EML4: variants seen among roughly 807,000 people sequenced by gnomAD.
EML4 encodes echinoderm microtubule-associated protein-like 4.
In EML4, 72 loss-of-function variants were observed where a neutral mutation model predicts 129.0. That is an observed-to-expected ratio of 0.56 (90% CI 0.46 to 0.68). EML4 has a LOEUF of 0.68. EML4 is among the 30% of genes least tolerant of loss of function. The pLI is 0.00. For synonymous variants in EML4, 532 were observed against 405.0 expected (o/e 1.31, Z -3.77); for missense variants, 1,363 against 1,190.6 (o/e 1.14, Z -2.13).
intron 5 of EML4, 77 bp downstream of exon 5, chr2:42,263,383 A>G: frequency 4.5e-6 from 2 of 440,186 alleles, no homozygotes; most frequent in Non-Finnish European, 8.2e-6. Flanking sequence ...ACAGTTATGT[A>G]TGTCTGGTTT....
At chr2:42,189,700 A>T (rs1400867219) in intron 1 of EML4, among the ~76,000 whole-genome samples, 1 of 152,246 alleles carries the variant, frequency 6.6e-6, no homozygotes. Flanking sequence ...AAGGTTTAAG[A>T]GGGCTGGTTT....
intron 1 of EML4, among the ~76,000 whole-genome samples, chr2:42,218,969 A>C (rs1673380758): frequency 6.6e-6 from 1 of 152,148 alleles, no homozygotes; most frequent in Admixed American, 6.5e-5. Flanking sequence ...TGACTTAGTA[A>C]AAACTTTTAA....
intron 1 of EML4, among the ~76,000 whole-genome samples, chr2:42,215,297 C>G (rs901237430): frequency 6.6e-6 from 1 of 152,142 alleles, no homozygotes; most frequent in Non-Finnish European, 1.5e-5. Context: ...TGGGATCAAG[C>G]CTGCCTCAGC....
intron 1 of EML4, among the ~76,000 whole-genome samples, chr2:42,242,739 C>A (rs767872760): frequency 6.6e-6 from 1 of 150,616 alleles, no homozygotes; most frequent in Non-Finnish European, 1.5e-5. Context: ...CTTCTCGTCT[C>A]GTCTCGTCTC....
At chr2:42,239,899 G>T (rs777020124) in intron 1 of EML4, among the ~76,000 whole-genome samples, 1 of 152,002 alleles carries the variant, frequency 6.6e-6, no homozygotes, top group East Asian at 1.9e-4. Context: ...GAGAATGGGG[G>T]CATCTTAGAG....
intron 14 of EML4, among the ~76,000 whole-genome samples, chr2:42,302,702 T>C (rs1668357653): frequency 6.6e-6 from 1 of 152,070 alleles, no homozygotes; most frequent in South Asian, 2.1e-4. Flanking sequence ...CCTGGCTGAT[T>C]TTTATATTTT....
intron 1 of EML4, among the ~76,000 whole-genome samples, chr2:42,224,382 T>C (rs1028898310): frequency 1.3e-5 from 2 of 152,162 alleles, no homozygotes; most frequent in African/African-American, 4.8e-5. Context: ...TATCACTGTT[T>C]CGTTCTTTTT....
At chr2:42,181,751 C>G (rs1478652973) in intron 1 of EML4, among the ~76,000 whole-genome samples, 4 of 152,062 alleles carry the variant, frequency 2.6e-5, no homozygotes, top group African/African-American at 9.7e-5. Flanking sequence ...TTTTGTGACA[C>G]AATAAGATGA....
intron 22 of EML4, 72 bp downstream of exon 22, chr2:42,329,088 A>C: frequency 6.8e-7 from 1 of 1,471,438 alleles, no homozygotes; most frequent in Non-Finnish European, 9.3e-7. Flanking sequence ...CCATAGCAAG[A>C]AAATATAGGT....
At chr2:42,218,317 C>T (rs982620391) in intron 1 of EML4, among the ~76,000 whole-genome samples, 1 of 151,940 alleles carries the variant, frequency 6.6e-6, no homozygotes, top group African/African-American at 2.4e-5. Flanking sequence ...TGCAGGAAAA[C>T]AAGCTCAGGG....
chr2:42,234,487 G>T (rs1196749700), intron 1 of EML4, among the ~76,000 whole-genome samples: 3 of 151,828 alleles, frequency 2.0e-5, no homozygotes, highest in Non-Finnish European at 4.4e-5. Flanking sequence ...ATTCCTGTGA[G>T]TTCAGACCTG....
chr2:42,288,341 G>A lies in EML4; in HGVS notation c.1218+19G>A, dbSNP rs1412098236. ...AATAAAGGTAAATTTTTAAAAAACC[G>A]AGTATTGTGTTTTAGAGTACGTTAC... On this transcript the variant is annotated intron_variant, in intron 11 of 22. Coordinates refer to ENST00000318522, the MANE Select transcript of EML4 (RefSeq NM_019063.5). The A allele has an allele frequency of 3.1e-6, 4 of 1,274,200 alleles. No individual in the cohort carries two copies. The highest frequency in any genetic ancestry group is 2.5e-5 in the South Asian group (2 of 81,266). 78.9% of individuals were successfully genotyped at this position (1,274,200 alleles called of 1,614,324 possible). A position where few individuals can be genotyped will look rare whatever the true frequency, so the allele number is the denominator to read the frequency against.
intron 1 of EML4, among the ~76,000 whole-genome samples, chr2:42,171,430 C>T (rs1295457815): frequency 1.3e-5 from 2 of 152,178 alleles, no homozygotes; most frequent in Admixed American, 6.5e-5. Flanking sequence ...AGGAGTCTTT[C>T]TCACCAGTTG....
At chr2:42,193,286 T>C (rs1320210335) in intron 1 of EML4, among the ~76,000 whole-genome samples, 2 of 152,340 alleles carry the variant, frequency 1.3e-5, no homozygotes, top group Non-Finnish European at 2.9e-5. Context: ...GTACATTCTG[T>C]GATTTTGCAC....
chr2:42,263,037 G>C, intron 4 of EML4, 141 bp from the exon 5 acceptor site: 1 of 650,996 alleles, frequency 1.5e-6, no homozygotes, highest in South Asian at 2.1e-5. Flanking sequence ...CACTCATCCA[G>C]GCAGTCTTTC....
intron 2 of EML4, among the ~76,000 whole-genome samples, chr2:42,255,108 C>T (rs1055818271): frequency 6.6e-6 from 1 of 151,150 alleles, no homozygotes; most frequent in Non-Finnish European, 1.5e-5. Context: ...TTCTTTGAGA[C>T]GGAGTCTTGC....
At chr2:42,179,761 C>T (rs1010927793) in intron 1 of EML4, among the ~76,000 whole-genome samples, 1 of 152,148 alleles carries the variant, frequency 6.6e-6, no homozygotes, top group Non-Finnish European at 1.5e-5. Flanking sequence ...TGCCACCATG[C>T]CCGGCTAGTT....
intron 19 of EML4, among the ~76,000 whole-genome samples, chr2:42,324,292 A>C (rs1167062507): frequency 6.6e-6 from 1 of 152,152 alleles, no homozygotes; most frequent in East Asian, 1.9e-4. Flanking sequence ...CTCTGTCTCA[A>C]AATAAAAAGA....
At chr2:42,295,540 C>A in intron 13 of EML4, 24 bp downstream of exon 13, 1 of 1,600,748 alleles carries the variant, frequency 6.2e-7, no homozygotes, top group Non-Finnish European at 8.5e-7. Flanking sequence ...ATATTAAACT[C>A]ATTTCTGGTA....
Sources: allele counts gnomAD v4.1 joint callset (sites outside exome capture counted in the v4.1 genomes callset), GRCh38; gene constraint gnomAD v4.1.1; transcripts MANE v1.5; gene names NCBI Gene and HGNC (gene_info 2026-07-23, HGNC 2026-07-21).